Variants in FAM50B observed in about 807,000 individuals in gnomAD.
The protein encoded by FAM50B is protein FAM50B.
A neutral mutation model predicts 25.4 loss-of-function variants in FAM50B; 9 were observed. That is an observed-to-expected ratio of 0.35 (90% CI 0.21 to 0.62). The LOEUF is 0.62. FAM50B is among the 20% of genes least tolerant of loss of function. The pLI is 0.73. For missense variants in FAM50B, 372 were observed against 477.9 expected (o/e 0.78, Z 2.07); for synonymous variants, 212 against 204.3 (o/e 1.04, Z -0.32).
chr6:3,849,178 G>A (rs1329281380), upstream of FAM50B, among the ~76,000 whole-genome samples: 1 of 152,184 alleles, frequency 6.6e-6, no homozygotes, highest in Non-Finnish European at 1.5e-5. Flanking sequence ...GGCCAGAAGC[G>A]CCTCCTCCAG....
the FAM50B span, among the ~76,000 whole-genome samples, chr6:3,834,359 C>CAAAAAAAAAAAAA: frequency 1.3e-5 from 1 of 75,048 alleles, no homozygotes; most frequent in Admixed American, 1.5e-4. Flanking sequence ...TGATATATGG[C>CAAAAAAAAAAAAA]AAAAAAAAAA....
At chr6:3,834,560 T>C in the FAM50B span, among the ~76,000 whole-genome samples, 1 of 152,070 alleles carries the variant, frequency 6.6e-6, no homozygotes, top group East Asian at 1.9e-4. Flanking sequence ...TATTAAAAGA[T>C]GCTAAAGTTA....
At chr6:3,843,968 T>A in the FAM50B span, among the ~76,000 whole-genome samples, 35,892 of 152,088 alleles carry the variant, frequency 0.24, 4,686 homozygotes, top group South Asian at 0.32. Flanking sequence ...AGGCCCACCA[T>A]CAGCTGTTTC....
the FAM50B span, among the ~76,000 whole-genome samples, chr6:3,833,421 G>A: frequency 6.6e-6 from 1 of 152,262 alleles, no homozygotes; most frequent in African/African-American, 2.4e-5. Flanking sequence ...GTATCAACCA[G>A]GACCGTGTGT....
Position 3,850,602 on chromosome 6 carries a change from C to T in FAM50B, c.791C>T (p.Pro264Leu), listed in dbSNP as rs1762203738. 1.2e-6 allele frequency: 2 copies of T among 1,614,098 alleles called. No individual in the cohort carries two copies. Among genetic ancestry groups the T allele is most frequent in the African/African-American group, 2.7e-5 (2 of 75,058 alleles). Residue 264 changes from proline (P) to leucine (L), a missense_variant, in exon 2 of 2, where the codon CCG becomes CTG. Physicochemically the swap from Pro to Leu is moderately conservative, Grantham distance 98. Around this residue, in one of 4 missense-constraint regions of FAM50B, gnomAD observed 27 missense variants for 61.6 expected, o/e 0.44. Coordinates refer to ENST00000648326, the MANE Select transcript of FAM50B (RefSeq NM_012135.3). ...GCCAGGGCGAGGGGCAAGAGCGGGC[C>T]GCTCTTCAGCTTCGATGTGCACGAT... ...IIARARGKSGPLFSFDVHDDV... is the reference protein window; with the variant it reads ...IIARARGKSGLLFSFDVHDDV...
Position 3,850,570 on chromosome 6 carries a change from C to T in FAM50B, c.759C>T (p.Phe253=). 2.5e-6 allele frequency: 4 copies of T among 1,614,128 alleles called. No homozygotes were observed. Among genetic ancestry groups the T allele is most frequent in the Non-Finnish European group, 3.4e-6 (4 of 1,180,034 alleles). The change falls in exon 2 of 2, where the codon TTC becomes TTT. Residue 253 remains phenylalanine (F), a synonymous_variant. Transcript: ENST00000648326. ...ILPHYHTFYD[F]IIARARGKSG... is the part of the protein sequence containing the mutation. ...CGCACTACCACACCTTCTACGACTT[C>T]ATCATCGCCAGGGCGAGGGGCAAGA...
At chr6:3,848,243 A>C (rs1561774436), upstream of FAM50B, among the ~76,000 whole-genome samples, 1 of 152,274 alleles carries the variant, frequency 6.6e-6, no homozygotes, top group Non-Finnish European at 1.5e-5. Flanking sequence ...CCAGAGCTCA[A>C]TAAAATAAGA....
At chr6:3,841,319 G>C in the FAM50B span, among the ~76,000 whole-genome samples, 1,376 of 152,286 alleles carry the variant, frequency 9.0e-3, 23 homozygotes, top group African/African-American at 0.03. Flanking sequence ...GGAGGATCAC[G>C]ATAGCTCTGG....
chr6:3,840,688 G>A, the FAM50B span, among the ~76,000 whole-genome samples: 16 of 152,198 alleles, frequency 1.1e-4, no homozygotes, highest in Non-Finnish European at 2.1e-4. Context: ...TGCAGTGGGT[G>A]CTTTTGAAGC....
chr6:3,844,516 G>C (rs534422898), upstream of FAM50B, among the ~76,000 whole-genome samples: 1 of 152,114 alleles, frequency 6.6e-6, no homozygotes, highest in African/African-American at 2.4e-5. Context: ...TTTGAGACCA[G>C]CCTGACCAAC....
In FAM50B at chr6:3,850,778, A is replaced by ACCAT. The variant is rs769254765; in HGVS notation, c.970_973dup (p.Arg325HisfsTer46). The ACCAT allele has an allele frequency of 3.1e-6, 5 of 1,612,032 alleles. No individual in the cohort carries two copies. ...CCCCGAGAAGAAGTGGGACAAGTAC[A>ACCAT]CCATCCGCTAACACCCGCCTGCCAG... On this transcript the variant is annotated frameshift_variant, in exon 2 of 2. Transcript: ENST00000648326. LOFTEE classifies it high-confidence loss of function.
chr6:3,850,249 C>T lies in FAM50B; in HGVS notation c.438C>T (p.Pro146=), dbSNP rs201214003. 40 of 1,613,078 alleles carry T rather than the reference C, an allele frequency of 2.5e-5. No individual in the cohort carries two copies. The highest frequency in any genetic ancestry group is 3.2e-5 in the Non-Finnish European group (38 of 1,179,880). The change falls in exon 2 of 2, where the codon CCC becomes CCT. Residue 146 remains proline (P), a synonymous_variant. Coordinates refer to ENST00000648326, the MANE Select transcript of FAM50B (RefSeq NM_012135.3). ...ARRAGNLGKN[P]DVDTSFLPDR... The stretch of plus-strand genomic sequence containing the variant: ...GCGCCGGAAACCTGGGCAAGAACCC[C>T]GACGTGGACACCAGCTTCCTGCCAG...
chr6:3,835,860 T>C, the FAM50B span, among the ~76,000 whole-genome samples: 7 of 152,194 alleles, frequency 4.6e-5, no homozygotes, highest in Non-Finnish European at 8.8e-5. Flanking sequence ...GCGGGACTAT[T>C]TCCACTCTGC....
the FAM50B span, chr6:3,833,615 G>A: frequency 6.6e-6 from 1 of 152,030 alleles, no homozygotes; most frequent in African/African-American, 2.4e-5. Flanking sequence ...TAATCTAAAG[G>A]GACTATTCAT....
chr6:3,843,346 T>G, the FAM50B span, among the ~76,000 whole-genome samples: 1 of 152,348 alleles, frequency 6.6e-6, no homozygotes, highest in East Asian at 1.9e-4. Flanking sequence ...ACTGCTTTTT[T>G]GTTTGTGAAA....
At chr6:3,833,195 G>A in the FAM50B span, among the ~76,000 whole-genome samples, 6 of 152,152 alleles carry the variant, frequency 3.9e-5, no homozygotes, top group African/African-American at 1.4e-4. Context: ...TTGTAGAACT[G>A]AGTCAGTCCC....
chr6:3,850,381 C>A lies in FAM50B; in HGVS notation c.570C>A (p.Ser190Arg). 6.2e-7 allele frequency: 1 copy of A among 1,613,426 alleles called. No homozygotes were observed. The highest frequency in any genetic ancestry group is 1.1e-5 in the South Asian group (1 of 91,082). ...VKDEEMEVTF[S>R]YWDGSGHRRT... is the part of the protein sequence containing the mutation. ...ACGAGGAGATGGAGGTCACCTTCAG[C>A]TACTGGGACGGCTCGGGCCACCGGC... The change falls in exon 2 of 2, where the codon AGC (serine) becomes AGA (arginine). Residue 190 changes from serine (S) to arginine (R), a missense_variant. Physicochemically the swap from Ser to Arg is moderately radical, Grantham distance 110. Around this residue, in one of 4 missense-constraint regions of FAM50B, gnomAD observed 224 missense variants for 232.2 expected, o/e 0.96. Coordinates refer to ENST00000648326, the MANE Select transcript of FAM50B (RefSeq NM_012135.3).
chr6:3,849,021 G>C (rs1762158027), upstream of FAM50B, among the ~76,000 whole-genome samples: 2 of 152,358 alleles, frequency 1.3e-5, no homozygotes, highest in South Asian at 4.1e-4. Context: ...GGCTCTCTGG[G>C]TGGCCACAGC....
chr6:3,849,721 A>C, intron 1 of FAM50B, 68 bp from the exon 2 acceptor site: 2 of 1,464,940 alleles, frequency 1.4e-6, no homozygotes, highest in Non-Finnish European at 1.8e-6. Flanking sequence ...GAGGAGGCGC[A>C]GAGCTGAGCA....
Sources: gnomAD v4.1 joint callset for allele counts (sites outside exome capture counted in the v4.1 genomes callset) on GRCh38, gnomAD v4.1.1 for gene constraint, gnomAD v4.1.1 regional missense constraint, MANE v1.5 for transcripts, NCBI Gene and HGNC (gene_info 2026-07-23, HGNC 2026-07-21) for gene names.